Variants in SH2B3 observed in about 807,000 individuals in gnomAD.
The protein encoded by SH2B3 is SH2B adaptor protein 3, also known as SH2B adapter protein 3.
SH2B3 carries 43 observed loss-of-function variants against 51.9 expected under a neutral mutation model. The ratio of observed to expected loss-of-function variants is 0.83; its 90% CI spans 0.65 to 1.07. The LOEUF (loss-of-function observed/expected upper bound fraction) is 1.07. Among genes scored for constraint, SH2B3 ranks in the 50% least tolerant of loss-of-function variants. SH2B3 has a pLI of 0.00. For missense variants in SH2B3, 952 were observed against 834.3 expected (o/e 1.14, Z -1.74); for synonymous variants, 396 against 376.0 (o/e 1.05, Z -0.62).
chr12:111,431,017 C>T (rs907300070), intron 2 of SH2B3, among the ~76,000 whole-genome samples: 4 of 134,630 alleles, frequency 3.0e-5, no homozygotes, highest in East Asian at 2.2e-4. Context: ...GAGTGCCGGC[C>T]GGGGGTGGGT....
At position 111,435,079 on chromosome 12, in the gene SH2B3, G is replaced by A; in HGVS notation, c.733-11674G>A. 3 of 1,426,188 alleles carry A rather than the reference G, an allele frequency of 2.1e-6. No individual in the cohort carries two copies. The highest frequency in any genetic ancestry group is 2.8e-5 in the African/African-American group (2 of 70,832). 88.3% of individuals were successfully genotyped at this position (1,426,188 alleles called of 1,614,324 possible). ...GCTTTGGGGATCTTGGTGGTGATGAGTCCCCTCTCCTCTGGTGCACTCTCC... is the reference window on the plus strand; with the variant it reads ...GCTTTGGGGATCTTGGTGGTGATGAATCCCCTCTCCTCTGGTGCACTCTCC... On this transcript the variant is annotated intron_variant, in intron 2 of 7. Transcript: ENST00000341259. The surrounding 1 kb of genome is among the most constrained non-coding windows in gnomAD (Gnocchi z 4.8).
Position 111,429,015 on chromosome 12 carries a change from C to CGAGGAGGAG in SH2B3, c.732+10162_732+10170dup, listed in dbSNP as rs142822757. Among the ~76,000 whole-genome samples, 326 of 114,926 alleles carry CGAGGAGGAG rather than the reference C, an allele frequency of 2.8e-3. 2 individuals carry two copies. The highest frequency in any genetic ancestry group is 9.3e-3 in the Middle Eastern group (2 of 216). 75.4% of individuals were successfully genotyped at this position (114,926 alleles called of 152,430 possible). On this transcript the variant is annotated intron_variant, in intron 2 of 7. Transcript: ENST00000341259. This position sits in a 1 kb window ranked among gnomAD's most constrained non-coding sequence, Gnocchi z 4.4. ...GCGGTTTCCTCTCGGGGCAGGAGTG[C>CGAGGAGGAG]GAGGAGGAGGAGGAGGAGGAGGAGG... is the stretch of plus-strand genomic sequence containing the variant.
In SH2B3 at chr12:111,418,631, C is replaced by G; in HGVS notation, c.486C>G (p.Ala162=). 6.8e-7 allele frequency: 1 copy of G among 1,471,976 alleles called. No individual in the cohort carries two copies. The highest frequency in any genetic ancestry group is 8.9e-7 in the Non-Finnish European group (1 of 1,121,014). 91.2% of individuals were successfully genotyped at this position (1,471,976 alleles called of 1,614,324 possible). A position where few individuals can be genotyped will look rare whatever the true frequency, so the allele number is the denominator to read the frequency against. The change falls in exon 2 of 8, where the codon GCC becomes GCG. Residue 162 remains alanine (A), a synonymous_variant. Transcript: ENST00000341259. The surrounding 1 kb of genome is among the most constrained non-coding windows in gnomAD (Gnocchi z 6.7). ...GELPAAHTAA[A]PGTPGEAAET... ...TGCCAGCGGCCCACACCGCTGCCGC[C>G]CCCGGGACCCCCGGAGAGGCTGCTG...
In SH2B3 at chr12:111,435,020, C is replaced by T; in HGVS notation, c.733-11733C>T. On this transcript the variant is annotated intron_variant, in intron 2 of 7. Transcript: ENST00000341259. The surrounding 1 kb of genome is among the most constrained non-coding windows in gnomAD (Gnocchi z 4.8). ...TCACCTCTTCTTCTGAATCATCGTT[C>T]TTCGAAGGCAGGCAGTAGCTACCGT... 3 of 1,534,400 alleles carry T rather than the reference C, an allele frequency of 2.0e-6. No homozygotes were observed. The highest frequency in any genetic ancestry group is 2.6e-6 in the Non-Finnish European group (3 of 1,145,830).
chr12:111,449,836 T>G lies in SH2B3; in HGVS notation c.*1534T>G, dbSNP rs529554767. 6.6e-6 allele frequency: 1 copy of G among 152,252 alleles called. No homozygotes were observed. Among genetic ancestry groups the G allele is most frequent in the Non-Finnish European group, 1.5e-5 (1 of 68,094 alleles). 9.4% of individuals were successfully genotyped at this position (152,252 alleles called of 1,614,324 possible). A position where few individuals can be genotyped will look rare whatever the true frequency, so the allele number is the denominator to read the frequency against. On this transcript the variant is annotated 3_prime_UTR_variant, in exon 8 of 8. Transcript: ENST00000341259. Reference sequence around the variant, plus strand: ...GGGTTAGGTCTGCTTCTTCCACTTATACTTAGTCTCTGTGCTCCAAGAGGT... The same window carrying G: ...GGGTTAGGTCTGCTTCTTCCACTTAGACTTAGTCTCTGTGCTCCAAGAGGT...
In SH2B3 at chr12:111,448,135, C is replaced by G. The variant is rs750107458; in HGVS notation, c.1561C>G (p.Pro521Ala). 6.2e-7 allele frequency: 1 copy of G among 1,613,998 alleles called. No homozygotes were observed. The highest frequency in any genetic ancestry group is 8.5e-7 in the Non-Finnish European group (1 of 1,180,014). The stretch of plus-strand genomic sequence containing the variant: ...AGAGGGTCTCCCAGGGCGATCCTCA[C>G]CCCCCGAGCAGATCTTCCACCTGGT... ...SPEGLPGRSSPPEQIFHLVPS... is the reference protein window; with the variant it reads ...SPEGLPGRSSAPEQIFHLVPS... Residue 521 changes from proline (P) to alanine (A), a missense_variant, in exon 8 of 8, where the codon CCC becomes GCC. Coordinates refer to ENST00000341259, the MANE Select transcript of SH2B3 (RefSeq NM_005475.3).
At chr12:111,433,785 TTTG>T (rs935317807) in intron 2 of SH2B3, among the ~76,000 whole-genome samples, 1 of 152,190 alleles carries the variant, frequency 6.6e-6, no homozygotes, top group African/African-American at 2.4e-5. Flanking sequence ...TTGTTTTGTT[TTTG>T]TTTTTTGAAG....
rs1874363462 is a variant in SH2B3, at chr12:111,449,230, T to C, written c.*928T>C. The C allele has an allele frequency of 6.6e-6, 1 of 152,480 alleles. No individual in the cohort carries two copies. Among genetic ancestry groups the C allele is most frequent in the Non-Finnish European group, 1.5e-5 (1 of 68,018 alleles). The allele number at this position is 152,480 out of a possible 1,614,324, so 9.4% of individuals were successfully genotyped here. A position where few individuals can be genotyped will look rare whatever the true frequency, so the allele number is the denominator to read the frequency against. ...AGCAGCTTTACAGTGATAGTTAAAT[T>C]AACTGGGGCTAGGGGAAGAGCAAGC... is the stretch of plus-strand genomic sequence containing the variant. On this transcript the variant is annotated 3_prime_UTR_variant, in exon 8 of 8. Coordinates refer to ENST00000341259, the MANE Select transcript of SH2B3 (RefSeq NM_005475.3).
Position 111,448,427 on chromosome 12 carries a change from G to C in SH2B3, c.*125G>C, listed in dbSNP as rs1257869501. On this transcript the variant is annotated 3_prime_UTR_variant, in exon 8 of 8. Transcript: ENST00000341259. ...ATTTAAGGGACACTGTTAACTGCTC[G>C]TGCCAGTTTGGAAGTGACCCTTCTA... 3.9e-6 allele frequency: 3 copies of C among 775,558 alleles called. No homozygotes were observed. The highest frequency in any genetic ancestry group is 1.8e-5 in the African/African-American group (1 of 57,096). 48.0% of individuals were successfully genotyped at this position (775,558 alleles called of 1,614,324 possible).
At position 111,410,467 on chromosome 12, in the gene SH2B3, T is replaced by TGGGGGGC. The variant is rs1489436683; in HGVS notation, c.-28+4192_-28+4198dup. Among the ~76,000 whole-genome samples the TGGGGGGC allele has an allele frequency of 2.0e-5, 3 of 152,050 alleles. No individual in the cohort carries two copies. The South Asian group carries it at 6.2e-4, about 31-fold the overall frequency. ...AAAGGAAGAAGCCACGGCCTTGGGA[T>TGGGGGGC]GGGGGGCGTGCGGGATTCTGATGGT... On this transcript the variant is annotated intron_variant, in intron 1 of 7. Transcript: ENST00000341259. The surrounding 1 kb of genome is among the most constrained non-coding windows in gnomAD (Gnocchi z 4.9).
Position 111,418,315 on chromosome 12 carries a change from C to G in SH2B3, c.170C>G (p.Pro57Arg). ...GCCCGGGAGCATCCGCAGCACGCGCCGCTGCGCGCCGAGCTGGTGTCGCTG... is the reference window on the plus strand; with the variant it reads ...GCCCGGGAGCATCCGCAGCACGCGCGGCTGCGCGCCGAGCTGGTGTCGCTG... ...LFAREHPQHAPLRAELVSLQF... is the reference protein window; with the variant it reads ...LFAREHPQHARLRAELVSLQF... Residue 57 changes from proline to arginine, a missense_variant, in exon 2 of 8, where the codon CCG becomes CGG. Pro to Arg is a moderately radical substitution (Grantham distance 103, BLOSUM62 -2). Coordinates refer to ENST00000341259, the MANE Select transcript of SH2B3 (RefSeq NM_005475.3). The surrounding 1 kb of genome is among the most constrained non-coding windows in gnomAD (Gnocchi z 6.7). 1.3e-6 allele frequency: 2 copies of G among 1,527,514 alleles called. No individual in the cohort carries two copies. Among genetic ancestry groups the G allele is most frequent in the Non-Finnish European group, 1.7e-6 (2 of 1,143,058 alleles). 94.6% of individuals were successfully genotyped at this position (1,527,514 alleles called of 1,614,324 possible). A position where few individuals can be genotyped will look rare whatever the true frequency, so the allele number is the denominator to read the frequency against.
chr12:111,421,784 T>C (rs947114728), intron 2 of SH2B3, among the ~76,000 whole-genome samples: 1 of 152,206 alleles, frequency 6.6e-6, no homozygotes, highest in African/African-American at 2.4e-5. Context: ...ACAACTGGTT[T>C]ATCCCATCCT....
chr12:111,447,719 G>T lies in SH2B3; in HGVS notation c.1300G>T (p.Val434Phe). The T allele has an allele frequency of 1.2e-6, 2 of 1,613,970 alleles. No individual in the cohort carries two copies. Among genetic ancestry groups the T allele is most frequent in the Non-Finnish European group, 1.7e-6 (2 of 1,179,986 alleles). Residue 434 changes from valine to phenylalanine, a missense_variant, in exon 7 of 8, where the codon GTC (valine) becomes TTC (phenylalanine). Coordinates refer to ENST00000341259, the MANE Select transcript of SH2B3 (RefSeq NM_005475.3). ...CRVQHLHFPS[V>F]VDMLHHFQRS... ...TGTGCAGCACCTCCACTTTCCCTCG[G>T]TCGTGGACATGCTCCACCACTTCCA...
rs1872269278 is a variant in SH2B3, at chr12:111,429,203, A to G, written c.732+10326A>G. On this transcript the variant is annotated intron_variant, in intron 2 of 7. Coordinates refer to ENST00000341259, the MANE Select transcript of SH2B3 (RefSeq NM_005475.3). The surrounding 1 kb of genome is among the most constrained non-coding windows in gnomAD (Gnocchi z 4.4). Reference sequence around the variant, plus strand: ...TTACTCAAGTAAAAATAGCTGAATGATGGCTCTGGCCCCAGGATCAACTGA... The same window carrying G: ...TTACTCAAGTAAAAATAGCTGAATGGTGGCTCTGGCCCCAGGATCAACTGA... Among the ~76,000 whole-genome samples, 1 of 152,074 alleles carries G rather than the reference A, an allele frequency of 6.6e-6. No homozygotes were observed. Among genetic ancestry groups the G allele is most frequent in the Non-Finnish European group, 1.5e-5 (1 of 68,010 alleles).
chr12:111,418,791 C>G lies in SH2B3; in HGVS notation c.646C>G (p.Arg216Gly). 1.4e-5 allele frequency: 20 copies of G among 1,456,732 alleles called. No homozygotes were observed. Among genetic ancestry groups the G allele is most frequent in the Non-Finnish European group, 1.8e-5 (20 of 1,114,622 alleles). 90.2% of individuals were successfully genotyped at this position (1,456,732 alleles called of 1,614,324 possible). ...ADEASMDSGARWQRGRLALRR... is the reference protein window; with the variant it reads ...ADEASMDSGAGWQRGRLALRR... ...CGAGGCCTCCATGGACAGCGGGGCA[C>G]GCTGGCAGCGCGGGAGGCTGGCGCT... Residue 216 changes from arginine (R) to glycine (G), a missense_variant, in exon 2 of 8, where the codon CGC becomes GGC. Transcript: ENST00000341259. The surrounding 1 kb of genome is among the most constrained non-coding windows in gnomAD (Gnocchi z 6.7).
At chr12:111,426,831 CT>C (rs989993818) in intron 2 of SH2B3, among the ~76,000 whole-genome samples, 2 of 152,112 alleles carry the variant, frequency 1.3e-5, no homozygotes, top group Admixed American at 6.5e-5. Flanking sequence ...AGCAAAGAGA[CT>C]TGCCTGGGAT....
chr12:111,436,830 C>T (rs1297235508), intron 2 of SH2B3, among the ~76,000 whole-genome samples: 1 of 152,048 alleles, frequency 6.6e-6, no homozygotes, highest in Non-Finnish European at 1.5e-5. Context: ...GAGGGGAATT[C>T]ACTCTGGGTG....
rs183875955 is a variant in SH2B3, at chr12:111,448,258, C to T, written c.1684C>T (p.Arg562Trp). The change falls in exon 8 of 8, where the codon CGG becomes TGG. Residue 562 changes from arginine to tryptophan, a missense_variant. By Grantham distance (101) the Arg-to-Trp change is moderately radical. Transcript: ENST00000341259. Reference protein sequence around the residue: ...DSDYEMDSSSRSHLRAIDNQY... With the variant: ...DSDYEMDSSSWSHLRAIDNQY... ...GGACTACGAAATGGACTCATCCTCC[C>T]GGAGCCACCTGCGGGCCATAGACAA... 42 of 1,613,984 alleles carry T rather than the reference C, an allele frequency of 2.6e-5. No homozygotes were observed. The highest frequency in any genetic ancestry group is 1.1e-4 in the South Asian group (10 of 91,068).
At chr12:111,428,320 C>T (rs1031249441) in intron 2 of SH2B3, among the ~76,000 whole-genome samples, 5 of 152,186 alleles carry the variant, frequency 3.3e-5, no homozygotes, top group African/African-American at 4.8e-5. Context: ...CCCTGAGCCC[C>T]CCGCTGCATC....
Sources: gnomAD v4.1 joint callset for allele counts (sites outside exome capture counted in the v4.1 genomes callset) on GRCh38, gnomAD v4.1.1 for gene constraint, Gnocchi (gnomAD v3.1) non-coding constraint, MANE v1.5 for transcripts, NCBI Gene and HGNC (gene_info 2026-07-23, HGNC 2026-07-21) for gene names.